Variants in TRRAP observed in about 807,000 individuals in gnomAD.
The protein encoded by TRRAP is transformation/transcription domain associated protein, also known as transformation/transcription domain-associated protein.
In TRRAP, 41 loss-of-function variants were observed where a neutral mutation model predicts 438.8. The ratio of observed to expected loss-of-function variants is 0.09; its 90% CI spans 0.07 to 0.12. TRRAP has a LOEUF of 0.12. Ranked by LOEUF, TRRAP falls within the 10% of genes least tolerant of loss-of-function variation. The probability of loss-of-function intolerance (pLI) is 1.00; values close to 1 mark genes in which losing one functional copy is unlikely to be tolerated. For synonymous variants in TRRAP, 1,994 were observed against 1,962.9 expected (o/e 1.02, Z -0.42); for missense variants, 3,122 against 5,055.1 (o/e 0.62, Z 11.60).
At position 98,924,774 on chromosome 7, in the gene TRRAP, C is replaced by T. The variant is rs546242141; in HGVS notation, c.2824-338C>T. 7.6e-5 allele frequency among the ~76,000 whole-genome samples: 11 copies of T among 145,072 alleles called. No individual in the cohort carries two copies. In the East Asian group the frequency reaches 1.7e-3, roughly 22 times the overall value. ...ATCCCAGCACTTTGGGAGGCCGAGG[C>T]GGGCAGATCACGAGGTCAGGAGATC... On this transcript the variant is annotated intron_variant, in intron 21 of 72. Transcript: ENST00000456197.
intron 62 of TRRAP, among the ~76,000 whole-genome samples, chr7:98,987,273 C>T (rs1034972769): frequency 4.6e-5 from 7 of 152,154 alleles, no homozygotes; most frequent in Non-Finnish European, 8.8e-5. Flanking sequence ...GTTGGAATTA[C>T]GACAGAGATT....
At chr7:98,934,304 C>G (rs1790457895) in intron 27 of TRRAP, among the ~76,000 whole-genome samples, 1 of 152,214 alleles carries the variant, frequency 6.6e-6, no homozygotes, top group African/African-American at 2.4e-5. Context: ...TCCATACTGT[C>G]TGAATTTCTG....
Position 99,007,774 on chromosome 7 carries a change from G to A in TRRAP, c.10754-603G>A, listed in dbSNP as rs111947092. ...AGCGATTCTCCCACCTCAGCCTCCC[G>A]AGTAGCTGGGACTATAGGCTATCCT... On this transcript the variant is annotated intron_variant, in intron 69 of 72. Transcript: ENST00000456197. Among the ~76,000 whole-genome samples the A allele has an allele frequency of 2.9e-3, 434 of 151,938 alleles. 4 individuals carry two copies. Among genetic ancestry groups the A allele is most frequent in the African/African-American group, 0.01 (417 of 41,426 alleles).
chr7:98,962,491 A>G lies in TRRAP; in HGVS notation c.6829+64A>G, dbSNP rs1477334741. On this transcript the variant is annotated intron_variant, in intron 47 of 72. Transcript: ENST00000456197. The stretch of plus-strand genomic sequence containing the variant: ...TTTGGCCTCTTTCCCCGCTCACTGG[A>G]CGTGCTTCCCTTTGGGAAAGGGCTC... 1.9e-6 allele frequency: 3 copies of G among 1,608,526 alleles called. No homozygotes were observed. The Admixed American group carries it at 5.0e-5, about 27-fold the overall frequency.
At chr7:98,962,613 G>A (rs1003976820) in intron 47 of TRRAP, among the ~76,000 whole-genome samples, 186 bp downstream of exon 47, 2 of 152,194 alleles carry the variant, frequency 1.3e-5, no homozygotes, top group Non-Finnish European at 2.9e-5. Flanking sequence ...ATCCCCCTTC[G>A]CCGATGCTTG....
intron 3 of TRRAP, among the ~76,000 whole-genome samples, chr7:98,883,902 G>A (rs1795576765): frequency 1.3e-5 from 2 of 152,154 alleles, no homozygotes; most frequent in East Asian, 1.9e-4. Context: ...GAAGAATGTC[G>A]ACGTTTTGTC....
chr7:98,907,789 A>G (rs1796855828), intron 13 of TRRAP, among the ~76,000 whole-genome samples: 1 of 147,394 alleles, frequency 6.8e-6, no homozygotes, highest in African/African-American at 2.5e-5. Flanking sequence ...CGCCCCCTAC[A>G]GCCCCCATCC....
intron 48 of TRRAP, 80 bp from the exon 49 acceptor site, chr7:98,965,616 A>G (rs775365342): frequency 1.3e-6 from 2 of 1,587,912 alleles, no homozygotes; most frequent in Non-Finnish European, 1.7e-6. Context: ...AGAACCCAGC[A>G]TGCCAGGCAA....
At chr7:98,911,487 T>C (rs1473876855) in intron 17 of TRRAP, among the ~76,000 whole-genome samples, 1 of 152,170 alleles carries the variant, frequency 6.6e-6, no homozygotes, top group Admixed American at 6.5e-5. Flanking sequence ...GAAATAAATA[T>C]GTGGGCCAGG....
intron 69 of TRRAP, among the ~76,000 whole-genome samples, chr7:99,007,788 A>G (rs559162109): frequency 6.6e-6 from 1 of 150,434 alleles, no homozygotes; most frequent in Admixed American, 6.6e-5. Context: ...AGCTGGGACT[A>G]TAGGCTATCC....
intron 61 of TRRAP, 96 bp from the exon 62 acceptor site, chr7:98,984,848 A>T: frequency 1.5e-6 from 1 of 682,296 alleles, no homozygotes; most frequent in Admixed American, 2.7e-5. Flanking sequence ...TTGGTCAATG[A>T]CTCATAGGAC....
chr7:98,958,445 G>A (rs900670282), intron 44 of TRRAP, among the ~76,000 whole-genome samples: 5 of 151,996 alleles, frequency 3.3e-5, no homozygotes, highest in African/African-American at 4.8e-5. Flanking sequence ...GATTACAGGC[G>A]CGTGCCACCA....
Position 98,982,995 on chromosome 7 carries a change from C to G in TRRAP, c.8827-269C>G, listed in dbSNP as rs1792998823. ...ACTGCCCATTAGCTAGGTTTGGTGT[C>G]TGTACCATCGTTCTCCCAGTCTCCT... On this transcript the variant is annotated intron_variant, in intron 59 of 72. Transcript: ENST00000456197. Among the ~76,000 whole-genome samples, 3 of 152,278 alleles carry G rather than the reference C, an allele frequency of 2.0e-5. 1 individual carries two copies. Among genetic ancestry groups the G allele is most frequent in the South Asian group, 4.1e-4 (2 of 4,822 alleles).
chr7:98,984,120 C>G lies in TRRAP; in HGVS notation c.9050C>G (p.Ser3017Cys), dbSNP rs777318967. The change falls in exon 61 of 73, where the codon TCT becomes TGT. Residue 3017 changes from serine (S) to cysteine (C), a missense_variant. Coordinates refer to ENST00000456197, the MANE Select transcript of TRRAP (RefSeq NM_001375524.1). ...ATTGTAACTGCCTATGAGAATAGCT[C>G]TCAGCATGATCCCAGTTCAAATAAC... ...QAIVTAYENS[S>C]QHDPSSNNAM... The G allele has an allele frequency of 1.2e-5, 19 of 1,612,256 alleles. No individual in the cohort carries two copies. Among genetic ancestry groups the G allele is most frequent in the Non-Finnish European group, 1.6e-5 (19 of 1,179,154 alleles).
At chr7:98,924,733 G>T (rs1301593161) in intron 21 of TRRAP, among the ~76,000 whole-genome samples, 1 of 149,488 alleles carries the variant, frequency 6.7e-6, no homozygotes, top group East Asian at 2.0e-4. Flanking sequence ...GCTGGGCGCG[G>T]TGGCTCATGC....
rs1370092123 is a variant in TRRAP at position 98,988,673 on chromosome 7, GC to G, written c.9390-91del. ...ACATTGTGAATGGACCAAATGCCCC[GC>G]AGTGTTCATTTTATAATGGTTAATT... On this transcript the variant is annotated intron_variant, in intron 62 of 72. Coordinates refer to ENST00000456197, the MANE Select transcript of TRRAP (RefSeq NM_001375524.1). 6 of 1,417,396 alleles carry G rather than the reference GC, an allele frequency of 4.2e-6. No individual in the cohort carries two copies. In the African/African-American group the frequency reaches 8.5e-5, roughly 20 times the overall value. The allele number at this position is 1,417,396 out of a possible 1,614,324, so 87.8% of individuals were successfully genotyped here.
intron 40 of TRRAP, among the ~76,000 whole-genome samples, chr7:98,954,726 C>T (rs1266653589): frequency 2.0e-5 from 3 of 152,214 alleles, no homozygotes; most frequent in Admixed American, 6.5e-5. Context: ...CGCTTCTCAG[C>T]GCCTCTCTTG....
chr7:98,992,022 A>G, intron 64 of TRRAP, 115 bp from the exon 65 acceptor site: 1 of 1,200,912 alleles, frequency 8.3e-7, no homozygotes, highest in Non-Finnish European at 1.2e-6. Flanking sequence ...TCCTTGGTCC[A>G]AAGGCAGATC....
At position 98,924,241 on chromosome 7, in the gene TRRAP, T is replaced by A. The variant is rs575510119; in HGVS notation, c.2824-871T>A. On this transcript the variant is annotated intron_variant, in intron 21 of 72. Coordinates refer to ENST00000456197, the MANE Select transcript of TRRAP (RefSeq NM_001375524.1). ...CTATTTGAACATGAAATTGTTAAAC[T>A]CCATCTTGGCATTTTAATTTGAACT... Among the ~76,000 whole-genome samples the A allele has an allele frequency of 2.0e-5, 3 of 152,354 alleles. No homozygotes were observed. In the South Asian group the frequency reaches 6.2e-4, roughly 32 times the overall value.
Sources: allele counts gnomAD v4.1 joint callset (sites outside exome capture counted in the v4.1 genomes callset), GRCh38; gene constraint gnomAD v4.1.1; transcripts MANE v1.5; gene names NCBI Gene and HGNC (gene_info 2026-07-23, HGNC 2026-07-21).